The following GNAI1 variants were observed in gnomAD, a reference collection of about 807,000 sequenced individuals.
The protein encoded by GNAI1 is G protein subunit alpha i1, also known as guanine nucleotide-binding protein G(i) subunit alpha-1.
A neutral mutation model predicts 38.9 loss-of-function variants in GNAI1; 11 were observed. The ratio of observed to expected loss-of-function variants is 0.28; its 90% CI spans 0.18 to 0.47. The LOEUF (loss-of-function observed/expected upper bound fraction) is 0.47, where lower values mean the gene tolerates loss of function less well. Among genes scored for constraint, GNAI1 ranks in the 20% least tolerant of loss-of-function variants. The pLI is 0.99. For synonymous variants in GNAI1, 166 were observed against 145.1 expected (o/e 1.14, Z -1.04); for missense variants, 317 against 436.9 (o/e 0.73, Z 2.45).
intron 1 of GNAI1, among the ~76,000 whole-genome samples, chr7:80,136,271 C>G (rs994855099): frequency 6.6e-6 from 1 of 152,164 alleles, no homozygotes; most frequent in South Asian, 2.1e-4. Context: ...TTCTCACACT[C>G]TAGGTATTTA....
In GNAI1 at chr7:80,225,587, T is replaced by C. The variant is rs528727343; in HGVS notation, c.*8094T>C. ...GCTTCTGAACTTATTTTGGAAAGAG[T>C]AGCTCCCTGGAGTGTGGAGGAGGAC... On this transcript the variant is annotated 3_prime_UTR_variant, in exon 8 of 8. Transcript: ENST00000649796. Among the ~76,000 whole-genome samples the C allele has an allele frequency of 1.3e-5, 2 of 152,026 alleles. No individual in the cohort carries two copies. The highest frequency in any genetic ancestry group is 2.9e-5 in the Non-Finnish European group (2 of 68,002).
At chr7:80,172,516 T>C (rs1788113597) in intron 1 of GNAI1, among the ~76,000 whole-genome samples, 1 of 152,220 alleles carries the variant, frequency 6.6e-6, no homozygotes, top group African/African-American at 2.4e-5. Flanking sequence ...TATGCTTCTA[T>C]TCAGCAATCT....
At chr7:80,175,123 A>G (rs1330913502) in intron 1 of GNAI1, among the ~76,000 whole-genome samples, 2 of 152,188 alleles carry the variant, frequency 1.3e-5, no homozygotes, top group Non-Finnish European at 1.5e-5. Flanking sequence ...TAGACAAACT[A>G]TGGTTAGTCC....
chr7:80,224,885 CA>C lies in GNAI1; in HGVS notation c.*7393del, dbSNP rs1403104988. On this transcript the variant is annotated 3_prime_UTR_variant, in exon 8 of 8. Coordinates refer to ENST00000649796, the MANE Select transcript of GNAI1 (RefSeq NM_002069.6). ...AATTTTAAAATTCTACTTTTTTTTA[CA>C]TTTTTAATGTGGTTTTGGAAAATAG... 4.6e-5 allele frequency among the ~76,000 whole-genome samples: 7 copies of C among 152,082 alleles called. No individual in the cohort carries two copies. The highest frequency in any genetic ancestry group is 1.5e-5 in the Non-Finnish European group (1 of 67,996).
chr7:80,162,284 G>A (rs950516366), intron 1 of GNAI1, among the ~76,000 whole-genome samples: 3 of 152,138 alleles, frequency 2.0e-5, no homozygotes, highest in African/African-American at 7.2e-5. Flanking sequence ...AGGCCACCCA[G>A]TCTGTGATAC....
intron 1 of GNAI1, among the ~76,000 whole-genome samples, chr7:80,174,251 C>G (rs1459272637): frequency 6.6e-6 from 1 of 152,076 alleles, no homozygotes; most frequent in African/African-American, 2.4e-5. Flanking sequence ...AGTAAAAACA[C>G]ACTACTCCAG....
rs200040227 is a variant in GNAI1 at position 80,158,250 on chromosome 7, T to C, written c.118+22972T>C. The stretch of plus-strand genomic sequence containing the variant: ...AAAGTTTAGAATCATTTTCTTGATA[T>C]CTACAAAATAATTTGCTGGCTAATT... On this transcript the variant is annotated intron_variant, in intron 1 of 7. Transcript: ENST00000649796. 3.9e-5 allele frequency among the ~76,000 whole-genome samples: 6 copies of C among 152,338 alleles called. No homozygotes were observed. In the East Asian group the frequency reaches 9.6e-4, roughly 24 times the overall value.
intron 7 of GNAI1, 77 bp from the exon 8 acceptor site, chr7:80,217,226 G>GTATGAAACTGACTTCAGTTTCATATA: frequency 2.1e-6 from 2 of 947,152 alleles, no homozygotes; most frequent in Non-Finnish European, 1.6e-6. Context: ...AGTTTCATAT[G>GTATGAAACTGACTTCAGTTTCATATA]TATGAAACTG....
At chr7:80,185,048 C>G (rs1788365679) in intron 1 of GNAI1, among the ~76,000 whole-genome samples, 1 of 152,112 alleles carries the variant, frequency 6.6e-6, no homozygotes, top group South Asian at 2.1e-4. Context: ...TGAAGTTGCT[C>G]TTGGTAGATG....
chr7:80,205,586 T>G lies in GNAI1; in HGVS notation c.590+1754T>G, dbSNP rs542387876. Among the ~76,000 whole-genome samples, 7 of 125,978 alleles carry G rather than the reference T, an allele frequency of 5.6e-5. No homozygotes were observed. The East Asian group carries it at 1.4e-3, about 25-fold the overall frequency. The allele number at this position is 125,978 out of a possible 152,430, so 82.6% of individuals were successfully genotyped here. A position where few individuals can be genotyped will look rare whatever the true frequency, so the allele number is the denominator to read the frequency against. On this transcript the variant is annotated intron_variant, in intron 5 of 7. Transcript: ENST00000649796. ...TTAGATAAATCATTTGTTACCAGTT[T>G]GTGATTTTTTTTTAAGATTATGTTT...
intron 4 of GNAI1, among the ~76,000 whole-genome samples, chr7:80,203,319 G>A (rs1054685033): frequency 2.0e-5 from 3 of 151,888 alleles, no homozygotes; most frequent in Non-Finnish European, 4.4e-5. Context: ...AAAAAAGAAT[G>A]ATGTCTGGAT....
intron 1 of GNAI1, among the ~76,000 whole-genome samples, chr7:80,158,305 T>C (rs915759829): frequency 1.3e-5 from 2 of 152,214 alleles, no homozygotes; most frequent in African/African-American, 4.8e-5. Context: ...GTTTGTTTGC[T>C]TAATCAGTAT....
intron 5 of GNAI1, among the ~76,000 whole-genome samples, chr7:80,206,503 G>A (rs1788779899): frequency 6.6e-6 from 1 of 151,878 alleles, no homozygotes; most frequent in Non-Finnish European, 1.5e-5. Context: ...GTCTGATCTG[G>A]AGAATATTGT....
chr7:80,206,940 T>A (rs1277083337), intron 5 of GNAI1, among the ~76,000 whole-genome samples: 1 of 152,080 alleles, frequency 6.6e-6, no homozygotes, highest in Non-Finnish European at 1.5e-5. Context: ...TGGACCTTGG[T>A]TGACCACAGG....
At chr7:80,197,271 A>T (rs1788595108) in intron 3 of GNAI1, among the ~76,000 whole-genome samples, 1 of 151,326 alleles carries the variant, frequency 6.6e-6, no homozygotes, top group Non-Finnish European at 1.5e-5. Flanking sequence ...TCTCACTTAT[A>T]TGTAGAATTA....
chr7:80,151,282 A>G (rs1787721582), intron 1 of GNAI1, among the ~76,000 whole-genome samples: 1 of 152,192 alleles, frequency 6.6e-6, no homozygotes. Flanking sequence ...CTAATAAAAC[A>G]GTTCTTATGG....
chr7:80,199,042 T>C (rs564045059), intron 3 of GNAI1, among the ~76,000 whole-genome samples, 183 bp from the exon 4 acceptor site: 25 of 152,282 alleles, frequency 1.6e-4, no homozygotes, highest in African/African-American at 6.0e-4. Context: ...GATGTGTGAT[T>C]ATTGTCTTTT....
chr7:80,198,494 G>A (rs1788621535), intron 3 of GNAI1, among the ~76,000 whole-genome samples: 1 of 152,166 alleles, frequency 6.6e-6, no homozygotes, highest in Admixed American at 6.6e-5. Context: ...TTTAAGCTAA[G>A]TTTAATTAAC....
chr7:80,178,587 G>A (rs1039402026), intron 1 of GNAI1, among the ~76,000 whole-genome samples: 4 of 152,296 alleles, frequency 2.6e-5, no homozygotes, highest in African/African-American at 9.6e-5. Flanking sequence ...TGAAGGGTCA[G>A]ATGATTGTTA....
Sources: gnomAD v4.1 joint callset for allele counts (sites outside exome capture counted in the v4.1 genomes callset) on GRCh38, gnomAD v4.1.1 for gene constraint, MANE v1.5 for transcripts, NCBI Gene and HGNC (gene_info 2026-07-23, HGNC 2026-07-21) for gene names.